TIAM2: variants seen among roughly 807,000 people sequenced by gnomAD.
TIAM2 encodes rho guanine nucleotide exchange factor TIAM2.
In TIAM2, 80 loss-of-function variants were observed where a neutral mutation model predicts 152.9. The ratio of observed to expected loss-of-function variants is 0.52; its 90% CI spans 0.44 to 0.63. The LOEUF is 0.63. TIAM2 is among the 30% of genes least tolerant of loss of function. TIAM2 has a pLI of 0.00. For missense variants in TIAM2, 1,965 were observed against 2,120.1 expected (o/e 0.93, Z 1.44); for synonymous variants, 804 against 838.0 (o/e 0.96, Z 0.70).
intron 1 of TIAM2, among the ~76,000 whole-genome samples, chr6:155,019,731 C>T (rs117065686): frequency 3.0e-4 from 46 of 152,256 alleles, no homozygotes; most frequent in African/African-American, 5.8e-4. Context: ...TTTGCTTCCT[C>T]GTTTGCAGAA....
intron 2 of TIAM2, among the ~76,000 whole-genome samples, chr6:155,123,504 G>A (rs1232231387): frequency 2.0e-5 from 3 of 152,198 alleles, no homozygotes; most frequent in Non-Finnish European, 4.4e-5. Flanking sequence ...TCCAGTAGAG[G>A]ATGGGGGTCT....
intron 6 of TIAM2, among the ~76,000 whole-genome samples, chr6:155,146,401 T>C (rs1779819418): frequency 6.6e-6 from 1 of 151,990 alleles, no homozygotes; most frequent in African/African-American, 2.4e-5. Context: ...ACAACAGAAT[T>C]TTCCCAGGTG....
Position 155,257,596 on chromosome 6 carries a change from ATG to A in TIAM2, c.*476_*477del. 1 of 491,930 alleles carries A rather than the reference ATG, an allele frequency of 2.0e-6. No homozygotes were observed. 30.5% of individuals were successfully genotyped at this position (491,930 alleles called of 1,614,324 possible). On this transcript the variant is annotated 3_prime_UTR_variant, in exon 27 of 27. Coordinates refer to ENST00000682666, the MANE Select transcript of TIAM2 (RefSeq NM_012454.4). The stretch of plus-strand genomic sequence containing the variant: ...ATTTTTGTAAGATAGATTGTAATAG[ATG>A]CTGTTTATACTAAACATGTCATAAC...
intron 2 of TIAM2, among the ~76,000 whole-genome samples, chr6:155,099,231 TGTG>T (rs1778496416): frequency 8.0e-6 from 1 of 124,732 alleles, no homozygotes; most frequent in Non-Finnish European, 1.6e-5. Context: ...TGTGTGTGTG[TGTG>T]TGTGTGTGTG....
chr6:155,225,359 C>T (rs1021023345), intron 15 of TIAM2, among the ~76,000 whole-genome samples: 2 of 152,154 alleles, frequency 1.3e-5, no homozygotes, highest in Admixed American at 6.5e-5. Context: ...GGTGCTCTGC[C>T]TTCCTCTCAT....
Position 155,254,021 on chromosome 6 carries a change from T to C in TIAM2, c.4274T>C (p.Ile1425Thr), listed in dbSNP as rs1783846083. 6 of 1,614,114 alleles carry C rather than the reference T, an allele frequency of 3.7e-6. No individual in the cohort carries two copies. The highest frequency in any genetic ancestry group is 4.5e-5 in the East Asian group (2 of 44,882). Reference sequence around the variant, plus strand: ...GAACTGATCCATACGAAGTCAGAAATAGAAGGACGGCCAGAAACCATCTTT... The same window carrying C: ...GAACTGATCCATACGAAGTCAGAAACAGAAGGACGGCCAGAAACCATCTTT... ...IWELIHTKSEIEGRPETIFQL... is the reference protein window; with the variant it reads ...IWELIHTKSETEGRPETIFQL... The change falls in exon 25 of 27, where the codon ATA becomes ACA. Residue 1425 changes from isoleucine to threonine, a missense_variant. Ile to Thr is a moderately conservative substitution (Grantham distance 89). This residue lies in a region of TIAM2 where 935 missense variants were observed against 980.0 expected (regional missense o/e 0.95). Transcript: ENST00000682666.
Position 155,038,580 on chromosome 6 carries a change from C to T in TIAM2, c.-209+43088C>T, listed in dbSNP as rs563682173. Among the ~76,000 whole-genome samples the T allele has an allele frequency of 3.9e-5, 6 of 152,122 alleles. No individual in the cohort carries two copies. In the South Asian group the frequency reaches 6.2e-4, roughly 16 times the overall value. ...ACAATGCTGATATCAGAAGCTGGTA[C>T]GAAAAAGCACTGTGTTTTTGATTAA... is the stretch of plus-strand genomic sequence containing the variant. On this transcript the variant is annotated intron_variant, in intron 1 of 26. Transcript: ENST00000682666.
chr6:155,223,194 A>C (rs1277804078), intron 15 of TIAM2, among the ~76,000 whole-genome samples: 1 of 152,202 alleles, frequency 6.6e-6, no homozygotes, highest in Non-Finnish European at 1.5e-5. Flanking sequence ...TTAGGAATTT[A>C]TGAACCGTCA....
intron 7 of TIAM2, among the ~76,000 whole-genome samples, chr6:155,150,099 C>T (rs546093054): frequency 2.6e-5 from 4 of 151,996 alleles, no homozygotes; most frequent in African/African-American, 9.6e-5. Context: ...CTCTATCTAC[C>T]TTTGCTTCTC....
intron 15 of TIAM2, among the ~76,000 whole-genome samples, chr6:155,227,627 C>G (rs147214784): frequency 2.0e-5 from 3 of 152,296 alleles, no homozygotes; most frequent in Admixed American, 1.3e-4. Context: ...GGTGTATTTA[C>G]TCTTCAATTG....
At chr6:155,189,328 T>C (rs555955177) in intron 14 of TIAM2, among the ~76,000 whole-genome samples, 1 of 152,214 alleles carries the variant, frequency 6.6e-6, no homozygotes, top group South Asian at 2.1e-4. Context: ...AACATATTAG[T>C]GTTCCTAAAG....
chr6:155,147,613 G>A (rs1779846480), intron 6 of TIAM2, among the ~76,000 whole-genome samples: 1 of 152,176 alleles, frequency 6.6e-6, no homozygotes, highest in African/African-American at 2.4e-5. Flanking sequence ...AGCCTCCCAA[G>A]TAGCTGGGCT....
At chr6:155,121,181 T>C (rs1022065005) in intron 2 of TIAM2, among the ~76,000 whole-genome samples, 2 of 152,058 alleles carry the variant, frequency 1.3e-5, no homozygotes, top group Admixed American at 6.5e-5. Context: ...TATCATAATA[T>C]ACAAAATCAG....
intron 14 of TIAM2, among the ~76,000 whole-genome samples, chr6:155,185,157 T>C (rs2115150712): frequency 6.9e-6 from 1 of 145,342 alleles, no homozygotes; most frequent in East Asian, 2.0e-4. Context: ...GAGACAGTCT[T>C]GCTCTGTCAC....
intron 2 of TIAM2, among the ~76,000 whole-genome samples, chr6:155,094,767 G>C (rs1778383567): frequency 6.8e-6 from 1 of 147,164 alleles, no homozygotes; most frequent in Non-Finnish European, 1.5e-5. Context: ...TTTTTTTGTA[G>C]AGATGAGGTT....
Position 155,027,382 on chromosome 6 carries a change from T to C in TIAM2, c.-209+31890T>C, listed in dbSNP as rs551629028. 2.5e-3 allele frequency among the ~76,000 whole-genome samples: 330 copies of C among 134,156 alleles called. 2 individuals are homozygous for C. The highest frequency in any genetic ancestry group is 9.3e-3 in the African/African-American group (312 of 33,680). The allele number at this position is 134,156 out of a possible 152,430, so 88.0% of individuals were successfully genotyped here. A position where few individuals can be genotyped will look rare whatever the true frequency, so the allele number is the denominator to read the frequency against. On this transcript the variant is annotated intron_variant, in intron 1 of 26. Transcript: ENST00000682666. ...TATATACTATATATAATATATATAC[T>C]GTGTTACATATATACTATATATAAT...
At chr6:155,170,759 C>T (rs919033511) in intron 9 of TIAM2, among the ~76,000 whole-genome samples, 2 of 152,198 alleles carry the variant, frequency 1.3e-5, no homozygotes, top group African/African-American at 4.8e-5. Flanking sequence ...CATCGATGCT[C>T]TAAGGAGTGA....
intron 1 of TIAM2, among the ~76,000 whole-genome samples, chr6:155,029,485 C>A (rs1211558909): frequency 0.45 from 4,037 of 8,984 alleles, 885 homozygotes; most frequent in Non-Finnish European, 0.51. Flanking sequence ...AGTATATATA[C>A]TATAGTATAT....
At chr6:155,010,234 C>G (rs1421879834) in intron 1 of TIAM2, among the ~76,000 whole-genome samples, 1 of 152,096 alleles carries the variant, frequency 6.6e-6, no homozygotes, top group African/African-American at 2.4e-5. Flanking sequence ...ATATAAGAAG[C>G]TATGTTTAGG....
Sources: gnomAD v4.1 joint callset for allele counts (sites outside exome capture counted in the v4.1 genomes callset) on GRCh38, gnomAD v4.1.1 for gene constraint, gnomAD v4.1.1 regional missense constraint, MANE v1.5 for transcripts, NCBI Gene and HGNC (gene_info 2026-07-23, HGNC 2026-07-21) for gene names.